Variants in MECOM observed in about 807,000 individuals in gnomAD.
The protein encoded by MECOM is MDS1 and EVI1 complex locus.
In MECOM, 13 loss-of-function variants were observed where a neutral mutation model predicts 116.3. The observed-to-expected ratio is 0.11, with a 90% CI of 0.07 to 0.18. The LOEUF (loss-of-function observed/expected upper bound fraction) is 0.18. MECOM is among the 10% of genes least tolerant of loss of function. The pLI, the probability that MECOM is intolerant of heterozygous loss-of-function variation, is 1.00. For missense variants in MECOM, 1,299 were observed against 1,509.0 expected (o/e 0.86, Z 2.31); for synonymous variants, 528 against 535.2 (o/e 0.99, Z 0.19).
intron 1 of MECOM, among the ~76,000 whole-genome samples, chr3:169,423,830 T>C (rs1297851452): frequency 6.6e-6 from 1 of 152,162 alleles, no homozygotes; most frequent in Non-Finnish European, 1.5e-5. Flanking sequence ...CTCCGAAGTT[T>C]TGAATACTTC....
At chr3:169,470,451 T>C (rs947057986) in intron 1 of MECOM, among the ~76,000 whole-genome samples, 1 of 152,182 alleles carries the variant, frequency 6.6e-6, no homozygotes, top group East Asian at 1.9e-4. Context: ...GGCAACCAGA[T>C]ACAAATTTAT....
At position 169,273,354 on chromosome 3, in the gene MECOM, A is replaced by C. The variant is rs149698003; in HGVS notation, c.375+107833T>G. On this transcript the variant is annotated intron_variant, in intron 2 of 16. Coordinates refer to ENST00000651503, the MANE Select transcript of MECOM (RefSeq NM_004991.4). ...AAAGCCATATATGCTGTGTAGGAGC[A>C]CTTTACCAAATTACCTTTGTTGCAG... Among the ~76,000 whole-genome samples, 177 of 152,342 alleles carry C rather than the reference A, an allele frequency of 1.2e-3. 2 individuals are homozygous for C. Among genetic ancestry groups the C allele is most frequent in the African/African-American group, 4.1e-3 (170 of 41,576 alleles).
intron 1 of MECOM, among the ~76,000 whole-genome samples, chr3:169,556,368 G>T (rs1365721039): frequency 2.0e-5 from 3 of 152,190 alleles, no homozygotes; most frequent in African/African-American, 7.2e-5. Context: ...CTGGATTTGG[G>T]CTGAGAAAGA....
intron 1 of MECOM, among the ~76,000 whole-genome samples, chr3:169,503,071 T>C (rs760192008): frequency 3.3e-5 from 5 of 152,222 alleles, no homozygotes; most frequent in Non-Finnish European, 7.4e-5. Flanking sequence ...TATCATACGA[T>C]AGTAAATTCT....
At chr3:169,467,537 C>T (rs993370656) in intron 1 of MECOM, among the ~76,000 whole-genome samples, 2 of 128,632 alleles carry the variant, frequency 1.6e-5, no homozygotes, top group African/African-American at 5.3e-5. Context: ...TACATTTCTA[C>T]TTTAAGTGTG....
chr3:169,550,260 C>T (rs1043454689), intron 1 of MECOM, among the ~76,000 whole-genome samples: 1 of 152,176 alleles, frequency 6.6e-6, no homozygotes, highest in Non-Finnish European at 1.5e-5. Flanking sequence ...GGCCAAGATA[C>T]CCCATTCACA....
intron 1 of MECOM, among the ~76,000 whole-genome samples, chr3:169,557,620 G>A (rs1480840200): frequency 1.3e-5 from 2 of 152,200 alleles, no homozygotes; most frequent in Non-Finnish European, 2.9e-5. Context: ...CAAAGGATTA[G>A]TACTAAATAG....
rs149995563 is a variant in MECOM at position 169,210,288 on chromosome 3, T to C, written c.376-66456A>G. 7.8e-3 allele frequency among the ~76,000 whole-genome samples: 1,183 copies of C among 152,242 alleles called. 19 individuals are homozygous for C. Among genetic ancestry groups the C allele is most frequent in the African/African-American group, 0.027 (1,119 of 41,540 alleles). The stretch of plus-strand genomic sequence containing the variant: ...AGATGCAGCCAACCACCATGGCACA[T>C]GTATAGCTATGTAACAAACCTACAC... On this transcript the variant is annotated intron_variant, in intron 2 of 16. Coordinates refer to ENST00000651503, the MANE Select transcript of MECOM (RefSeq NM_004991.4).
At chr3:169,455,642 C>T (rs71306634) in intron 1 of MECOM, among the ~76,000 whole-genome samples, 3 of 152,224 alleles carry the variant, frequency 2.0e-5, no homozygotes, top group Non-Finnish European at 2.9e-5. Context: ...TGTTTCACAA[C>T]TTCCAGAACA....
intron 1 of MECOM, among the ~76,000 whole-genome samples, chr3:169,638,740 G>A (rs779358359): frequency 2.6e-5 from 4 of 152,154 alleles, no homozygotes; most frequent in Non-Finnish European, 5.9e-5. Context: ...TCTCCCTTTT[G>A]TGCTGCGTGG....
chr3:169,495,338 A>G (rs1221123906), intron 1 of MECOM, among the ~76,000 whole-genome samples: 3 of 152,176 alleles, frequency 2.0e-5, no homozygotes, highest in South Asian at 2.1e-4. Context: ...AGATGGTTCA[A>G]TTGTACAGAA....
chr3:169,324,257 T>G (rs113440420), intron 2 of MECOM, among the ~76,000 whole-genome samples: 323 of 152,294 alleles, frequency 2.1e-3, no homozygotes, highest in Middle Eastern at 0.02. Flanking sequence ...AGTTTACTGA[T>G]GAGGAAACCA....
chr3:169,263,747 T>C (rs533974067), intron 2 of MECOM, among the ~76,000 whole-genome samples: 2 of 152,274 alleles, frequency 1.3e-5, no homozygotes, highest in South Asian at 2.1e-4. Flanking sequence ...TTTGCTTACA[T>C]AGTAATGTCT....
intron 1 of MECOM, among the ~76,000 whole-genome samples, chr3:169,472,633 A>AAAAGAAAAGGAAAGG (rs1749680508): frequency 1.2e-4 from 7 of 60,336 alleles, no homozygotes; most frequent in Non-Finnish European, 2.1e-4. Context: ...AAAAGAAAAG[A>AAAAGAAAAGGAAAGG]AAAGGAAAGG....
At chr3:169,446,772 T>C (rs1341156128) in intron 1 of MECOM, among the ~76,000 whole-genome samples, 2 of 152,208 alleles carry the variant, frequency 1.3e-5, no homozygotes, top group Non-Finnish European at 2.9e-5. Flanking sequence ...ATCATATACC[T>C]GGTGTCAGAA....
At chr3:169,613,098 C>T (rs571861211) in intron 1 of MECOM, among the ~76,000 whole-genome samples, 2 of 152,244 alleles carry the variant, frequency 1.3e-5, no homozygotes, top group South Asian at 4.1e-4. Context: ...TTTTTCCTTA[C>T]CATTGATTTC....
At chr3:169,454,375 G>C (rs1746120719) in intron 1 of MECOM, among the ~76,000 whole-genome samples, 1 of 116,006 alleles carries the variant, frequency 8.6e-6, no homozygotes, top group African/African-American at 3.1e-5. Context: ...TGGTAATGTA[G>C]CAACTTTCTT....
At chr3:169,321,719 A>T (rs1720899529) in intron 2 of MECOM, among the ~76,000 whole-genome samples, 1 of 152,064 alleles carries the variant, frequency 6.6e-6, no homozygotes, top group South Asian at 2.1e-4. Context: ...GTCAGGGAGG[A>T]CTTGCTTAAC....
intron 3 of MECOM, among the ~76,000 whole-genome samples, chr3:169,137,468 T>C (rs1736718630): frequency 6.6e-6 from 1 of 152,112 alleles, no homozygotes; most frequent in Non-Finnish European, 1.5e-5. Context: ...TCAGCAGAGA[T>C]TGATGACTGA....
Sources: gnomAD v4.1 joint callset for allele counts (sites outside exome capture counted in the v4.1 genomes callset) on GRCh38, gnomAD v4.1.1 for gene constraint, MANE v1.5 for transcripts, NCBI Gene and HGNC (gene_info 2026-07-23, HGNC 2026-07-21) for gene names.